LRP6: variants seen among roughly 807,000 people sequenced by gnomAD.
The protein encoded by LRP6 is low-density lipoprotein receptor-related protein 6.
In LRP6, 43 loss-of-function variants were observed where a neutral mutation model predicts 184.1. That is an observed-to-expected ratio of 0.23 (90% CI 0.18 to 0.30). LRP6 has a LOEUF of 0.30. Among genes scored for constraint, LRP6 ranks in the 10% least tolerant of loss-of-function variants. LRP6 has a pLI of 1.00. For synonymous variants in LRP6, 719 were observed against 684.9 expected, an observed-to-expected ratio of 1.05 and a Z score of -0.78; for missense variants, 1,571 against 2,005.3, an observed-to-expected ratio of 0.78 and a Z score of 4.14.
chr12:12,139,785 A>G (rs143341436), intron 15 of LRP6, among the ~76,000 whole-genome samples: 9 of 152,172 alleles, frequency 5.9e-5, no homozygotes, highest in Non-Finnish European at 1.0e-4. Flanking sequence ...AAGGACAAAG[A>G]AGGCAGAAGA....
chr12:12,213,839 T>C (rs186317731), intron 2 of LRP6, among the ~76,000 whole-genome samples: 11 of 152,332 alleles, frequency 7.2e-5, no homozygotes, highest in East Asian at 1.9e-4. Context: ...TAATGTCTCA[T>C]AGATTTAACA....
At chr12:12,259,980 G>C (rs894421365) in intron 1 of LRP6, among the ~76,000 whole-genome samples, 1 of 152,162 alleles carries the variant, frequency 6.6e-6, no homozygotes, top group South Asian at 2.1e-4. Flanking sequence ...AAATTATTTT[G>C]CCCATGCTTA....
intron 2 of LRP6, among the ~76,000 whole-genome samples, chr12:12,221,105 TA>T (rs1466837319): frequency 2.0e-5 from 3 of 152,330 alleles, no homozygotes; most frequent in African/African-American, 7.2e-5. Context: ...TGAGACTGGT[TA>T]GCAGAAAACT....
chr12:12,262,791 A>G (rs1478553958), intron 1 of LRP6, among the ~76,000 whole-genome samples: 1 of 152,216 alleles, frequency 6.6e-6, no homozygotes, highest in Non-Finnish European at 1.5e-5. Context: ...AGAGGCTGAC[A>G]TATAGGAGGT....
At chr12:12,263,973 C>A (rs1040865736) in intron 1 of LRP6, among the ~76,000 whole-genome samples, 1 of 151,878 alleles carries the variant, frequency 6.6e-6, no homozygotes, top group African/African-American at 2.4e-5. Context: ...CACCCCCACA[C>A]CAACCCCATA....
At chr12:12,260,973 T>G (rs1224910058) in intron 1 of LRP6, among the ~76,000 whole-genome samples, 1 of 152,206 alleles carries the variant, frequency 6.6e-6, no homozygotes, top group Non-Finnish European at 1.5e-5. Flanking sequence ...ATATACGTTC[T>G]CATAAAATAT....
chr12:12,177,427 A>T (rs142104457), intron 7 of LRP6, among the ~76,000 whole-genome samples: 58 of 152,340 alleles, frequency 3.8e-4, no homozygotes, highest in African/African-American at 1.1e-3. Flanking sequence ...TCAAGTTCAC[A>T]GTATTATCAA....
chr12:12,153,378 T>A (rs1950107496), intron 12 of LRP6, among the ~76,000 whole-genome samples: 1 of 152,148 alleles, frequency 6.6e-6, no homozygotes, highest in African/African-American at 2.4e-5. Flanking sequence ...TTTTCTTGCC[T>A]GGGAAGCAAT....
At chr12:12,248,762 G>C (rs1591985488) in intron 1 of LRP6, among the ~76,000 whole-genome samples, 1 of 152,112 alleles carries the variant, frequency 6.6e-6, no homozygotes, top group Non-Finnish European at 1.5e-5. Context: ...TTACAGGCTT[G>C]AGCCACTGCG....
At chr12:12,139,040 C>T (rs1167924346) in intron 15 of LRP6, 1 of 1,278,522 alleles carries the variant, frequency 7.8e-7, no homozygotes, top group African/African-American at 1.5e-5. Context: ...GAGGCAACTT[C>T]TGCTATTGTT....
At chr12:12,187,709 C>T (rs753765863) in intron 3 of LRP6, among the ~76,000 whole-genome samples, 2 of 152,200 alleles carry the variant, frequency 1.3e-5, no homozygotes, top group African/African-American at 2.4e-5. Context: ...AAACCCCAGT[C>T]TAGCTCCAGC....
chr12:12,262,104 C>A (rs181237769), intron 1 of LRP6, among the ~76,000 whole-genome samples: 1 of 152,132 alleles, frequency 6.6e-6, no homozygotes, highest in Non-Finnish European at 1.5e-5. Context: ...TTAGGCCGGG[C>A]ACAGTGGCTC....
Position 12,218,517 on chromosome 12 carries a change from A to C in LRP6, c.450-15117T>G, listed in dbSNP as rs529585079. ...AATAATAATAATAATAATAATAATA[A>C]TACTATACAATTTTAAAATAGGTAT... is the stretch of plus-strand genomic sequence containing the variant. On this transcript the variant is annotated intron_variant, in intron 2 of 22. Coordinates refer to ENST00000261349, the MANE Select transcript of LRP6 (RefSeq NM_002336.3). Among the ~76,000 whole-genome samples the C allele has an allele frequency of 6.0e-3, 853 of 142,978 alleles. 4 individuals carry two copies. The highest frequency in any genetic ancestry group is 0.011 in the Middle Eastern group (3 of 270). The allele number at this position is 142,978 out of a possible 152,430, so 93.8% of individuals were successfully genotyped here. A position where few individuals can be genotyped will look rare whatever the true frequency, so the allele number is the denominator to read the frequency against.
At chr12:12,234,349 C>G (rs1208853701) in intron 2 of LRP6, among the ~76,000 whole-genome samples, 1 of 151,934 alleles carries the variant, frequency 6.6e-6, no homozygotes, top group Non-Finnish European at 1.5e-5. Flanking sequence ...ACTTGAGAGG[C>G]TGAGGCCAAA....
intron 20 of LRP6, 87 bp downstream of exon 20, chr12:12,126,604 A>G: frequency 9.7e-7 from 1 of 1,028,754 alleles, no homozygotes; most frequent in Admixed American, 1.7e-5. Flanking sequence ...TTTCAGACAG[A>G]CTCTAGGTAG....
In LRP6 at chr12:12,141,944, T is replaced by C. The variant is rs149343508; in HGVS notation, c.3398-3410A>G. Among the ~76,000 whole-genome samples the C allele has an allele frequency of 2.1e-3, 324 of 152,306 alleles. 2 individuals carry two copies. The highest frequency in any genetic ancestry group is 7.0e-3 in the African/African-American group (292 of 41,564). ...AATTCTGGAAAGTTCATAACTATGC[T>C]GGGGAGGATGGAAAGAAAATTCACA... On this transcript the variant is annotated intron_variant, in intron 15 of 22. Transcript: ENST00000261349.
chr12:12,266,892 C>CGCGCCG lies in LRP6; in HGVS notation c.-163_-158dup, dbSNP rs1865784446. On this transcript the variant is annotated 5_prime_UTR_variant, in exon 1 of 23. Coordinates refer to ENST00000261349, the MANE Select transcript of LRP6 (RefSeq NM_002336.3). ...GAAAGGGGCACGTCAAGGTTCCGCG[C>CGCGCCG]GCGCCGCCGCCGCCCTCTCTACCGC... The CGCGCCG allele has an allele frequency of 4.3e-6, 3 of 698,440 alleles. No individual in the cohort carries two copies. In the Admixed American group the frequency reaches 7.2e-5, roughly 17 times the overall value. 43.3% of individuals were successfully genotyped at this position (698,440 alleles called of 1,614,324 possible). A position where few individuals can be genotyped will look rare whatever the true frequency, so the allele number is the denominator to read the frequency against.
chr12:12,164,615 C>T lies in LRP6; in HGVS notation c.1763-53G>A. ...AGAAGGACACACACATTGATACATT[C>T]AACATATTTTCACTTTTAAATTACT... On this transcript the variant is annotated intron_variant, in intron 8 of 22. Transcript: ENST00000261349. 4 of 1,547,740 alleles carry T rather than the reference C, an allele frequency of 2.6e-6. No individual in the cohort carries two copies. The South Asian group carries it at 4.5e-5, about 17-fold the overall frequency.
intron 7 of LRP6, among the ~76,000 whole-genome samples, chr12:12,171,540 TAAATAAATAAATAAATA>T (rs1466506437): frequency 6.0e-4 from 3 of 4,976 alleles, no homozygotes; most frequent in Non-Finnish European, 1.3e-3. Context: ...ATAAAATAAA[TAAATAAATAAATAAATA>T]AATAAATAAA....
Sources: gnomAD v4.1 joint callset for allele counts (sites outside exome capture counted in the v4.1 genomes callset) on GRCh38, gnomAD v4.1.1 for gene constraint, MANE v1.5 for transcripts, NCBI Gene and HGNC (gene_info 2026-07-23, HGNC 2026-07-21) for gene names.